IL1RAPL2: variants seen among roughly 807,000 people sequenced by gnomAD.
IL1RAPL2 encodes the protein X-linked interleukin-1 receptor accessory protein-like 2.
Under a neutral mutation model 44.1 loss-of-function variants are expected in IL1RAPL2, and 3 were observed. The ratio of observed to expected loss-of-function variants is 0.07; its 90% CI spans 0.03 to 0.18. The LOEUF (loss-of-function observed/expected upper bound fraction) is 0.18. IL1RAPL2 is among the 10% of genes least tolerant of loss of function. The probability of loss-of-function intolerance (pLI) is 1.00; values close to 1 mark genes in which losing one functional copy is unlikely to be tolerated. For missense variants in IL1RAPL2, 391 were observed against 496.4 expected (o/e 0.79, Z 2.02); for synonymous variants, 181 against 178.8 (o/e 1.01, Z -0.10).
chrX:104,698,444 T>C (rs1167505363), intron 2 of IL1RAPL2, among the ~76,000 whole-genome samples: 1 of 112,220 alleles, frequency 8.9e-6, no homozygotes, highest in Non-Finnish European at 1.9e-5. Flanking sequence ...ATGTAAGTTG[T>C]AGCTCCTTAA....
intron 6 of IL1RAPL2, among the ~76,000 whole-genome samples, chrX:105,688,776 G>A (rs2038008096): frequency 9.0e-6 from 1 of 111,724 alleles, no homozygotes; most frequent in African/African-American, 3.3e-5. Context: ...ACAATCCTAA[G>A]CAAAAAGAAC....
chrX:104,717,911 C>G (rs1016675722), intron 2 of IL1RAPL2, among the ~76,000 whole-genome samples: 2 of 110,185 alleles, frequency 1.8e-5, no homozygotes, highest in Admixed American at 2.0e-4. Flanking sequence ...CAGCTTCATC[C>G]ATGTCCCTAC....
At chrX:105,581,919 T>C (rs2037091840) in intron 6 of IL1RAPL2, among the ~76,000 whole-genome samples, 1 of 111,532 alleles carries the variant, frequency 9.0e-6, no homozygotes, top group Non-Finnish European at 1.9e-5. Context: ...TAAGATTTAG[T>C]TTGATAGGAT....
chrX:105,144,918 C>T (rs2033165753), intron 2 of IL1RAPL2, among the ~76,000 whole-genome samples: 1 of 110,981 alleles, frequency 9.0e-6, no homozygotes, highest in Non-Finnish European at 1.9e-5. Context: ...CCTCTTCTTG[C>T]CCCCAAATCA....
intron 8 of IL1RAPL2, among the ~76,000 whole-genome samples, chrX:105,744,957 G>A (rs767753093): frequency 1.8e-5 from 2 of 111,188 alleles, no homozygotes; most frequent in South Asian, 7.7e-4. Context: ...GCTTCACTCT[G>A]TCCCACCATA....
At chrX:105,364,847 CAG>C (rs1298725945) in intron 5 of IL1RAPL2, among the ~76,000 whole-genome samples, 1 of 111,798 alleles carries the variant, frequency 8.9e-6, no homozygotes, top group Non-Finnish European at 1.9e-5. Context: ...CATCAGCAAA[CAG>C]AGACAGTTTC....
intron 4 of IL1RAPL2, among the ~76,000 whole-genome samples, chrX:105,264,341 C>A (rs1196761937): frequency 9.0e-6 from 1 of 111,521 alleles, no homozygotes; most frequent in African/African-American, 3.3e-5. Flanking sequence ...AGCCTCTTTT[C>A]TTTATTAATT....
chrX:105,004,034 C>T (rs757617197), intron 2 of IL1RAPL2, among the ~76,000 whole-genome samples: 5 of 111,454 alleles, frequency 4.5e-5, no homozygotes, highest in East Asian at 2.9e-4. Flanking sequence ...AAAAATCAGA[C>T]ATGTCACTCC....
chrX:104,899,779 C>A (rs141047628), intron 2 of IL1RAPL2, among the ~76,000 whole-genome samples: 4 of 111,886 alleles, frequency 3.6e-5, no homozygotes, highest in South Asian at 3.7e-4. Flanking sequence ...ATCTCTCCCC[C>A]TGACAAGATA....
chrX:105,605,518 A>G lies in IL1RAPL2; in HGVS notation c.773-111849A>G, dbSNP rs2037286861. Among the ~76,000 whole-genome samples the G allele has an allele frequency of 8.0e-5, 9 of 111,981 alleles. No homozygotes were observed. The South Asian group carries it at 3.3e-3, about 41-fold the overall frequency. ...AGAATCAATACTGTTAAAATAATGTACTACCCAAAATAATCTATAGATTCA... is the reference window on the plus strand; with the variant it reads ...AGAATCAATACTGTTAAAATAATGTGCTACCCAAAATAATCTATAGATTCA... On this transcript the variant is annotated intron_variant, in intron 6 of 10. Transcript: ENST00000372582.
intron 2 of IL1RAPL2, among the ~76,000 whole-genome samples, chrX:105,120,567 A>T (rs1569386723): frequency 9.0e-6 from 1 of 111,324 alleles, no homozygotes. Flanking sequence ...CTGGGAATCC[A>T]GTTAAATTAC....
At chrX:105,671,340 T>C (rs2037823099) in intron 6 of IL1RAPL2, among the ~76,000 whole-genome samples, 1 of 112,536 alleles carries the variant, frequency 8.9e-6, no homozygotes. Context: ...TCCTGAAACA[T>C]TGCTAAACAA....
chrX:105,697,626 G>T (rs1242788471), intron 6 of IL1RAPL2, among the ~76,000 whole-genome samples: 2 of 111,056 alleles, frequency 1.8e-5, no homozygotes, highest in East Asian at 5.7e-4. Flanking sequence ...CCATGGATAG[G>T]ATGGACTGTT....
At position 105,022,639 on chromosome X, in the gene IL1RAPL2, T is replaced by C. The variant is rs764012648; in HGVS notation, c.83-172836T>C. On this transcript the variant is annotated intron_variant, in intron 2 of 10. Coordinates refer to ENST00000372582, the MANE Select transcript of IL1RAPL2 (RefSeq NM_017416.2). Reference sequence around the variant, plus strand: ...GTTGGCATGAGACTGTCTTGTTAAATAGGATGTGAGAGACATTGAAAGCTT... The same window carrying C: ...GTTGGCATGAGACTGTCTTGTTAAACAGGATGTGAGAGACATTGAAAGCTT... Among the ~76,000 whole-genome samples, 4 of 111,193 alleles carry C rather than the reference T, an allele frequency of 3.6e-5. No individual in the cohort carries two copies. In the East Asian group the frequency reaches 8.6e-4, roughly 24 times the overall value.
intron 6 of IL1RAPL2, among the ~76,000 whole-genome samples, chrX:105,525,793 C>T (rs971478359): frequency 1.8e-5 from 2 of 111,559 alleles, no homozygotes; most frequent in African/African-American, 6.5e-5. Flanking sequence ...CTTATTCCCT[C>T]TTCCCTGCCT....
intron 6 of IL1RAPL2, among the ~76,000 whole-genome samples, chrX:105,586,494 AC>A (rs1241276528): frequency 9.0e-6 from 1 of 111,621 alleles, no homozygotes; most frequent in African/African-American, 3.3e-5. Flanking sequence ...TGGAGTCAGT[AC>A]CCTTCTTTTC....
chrX:105,547,361 G>T (rs995770690), intron 6 of IL1RAPL2, among the ~76,000 whole-genome samples: 1 of 112,272 alleles, frequency 8.9e-6, no homozygotes, highest in African/African-American at 3.2e-5. Context: ...AGATTCTGAA[G>T]ATTAAAAGAG....
chrX:104,604,906 CAA>C (rs1374083887), intron 1 of IL1RAPL2, among the ~76,000 whole-genome samples: 1 of 110,953 alleles, frequency 9.0e-6, no homozygotes, highest in Non-Finnish European at 1.9e-5. Flanking sequence ...TTAGACAGAT[CAA>C]AGAGACAGAA....
At chrX:105,212,291 G>A (rs933665733) in intron 3 of IL1RAPL2, among the ~76,000 whole-genome samples, 1 of 111,985 alleles carries the variant, frequency 8.9e-6, no homozygotes, top group South Asian at 3.8e-4. Context: ...AGTGGTGTTC[G>A]CTGTTACTGA....
Sources: allele counts gnomAD v4.1 joint callset (sites outside exome capture counted in the v4.1 genomes callset), GRCh38; gene constraint gnomAD v4.1.1; transcripts MANE v1.5; gene names NCBI Gene and HGNC (gene_info 2026-07-23, HGNC 2026-07-21).